DCAF6: variants seen among roughly 807,000 people sequenced by gnomAD.
DCAF6 encodes the protein DDB1- and CUL4-associated factor 6.
A neutral mutation model predicts 125.1 loss-of-function variants in DCAF6; 54 were observed. The ratio of observed to expected loss-of-function variants is 0.43; its 90% CI spans 0.35 to 0.54. The LOEUF is 0.54. Ranked by LOEUF, DCAF6 falls within the 20% of genes least tolerant of loss-of-function variation. DCAF6 has a pLI of 0.01. For synonymous variants in DCAF6, 371 were observed against 390.4 expected (o/e 0.95, Z 0.58); for missense variants, 934 against 1,161.7 (o/e 0.80, Z 2.85).
chr1:167,921,359 T>C, the DCAF6 span, among the ~76,000 whole-genome samples: 1 of 151,998 alleles, frequency 6.6e-6, no homozygotes, highest in African/African-American at 2.4e-5. Context: ...GTAGCTGGAA[T>C]TACAGGCGTG....
the DCAF6 span, chr1:167,919,990 A>G: frequency 6.2e-7 from 1 of 1,611,440 alleles, no homozygotes; most frequent in Non-Finnish European, 8.5e-7. Context: ...TCCAAATACG[A>G]AAAAGCTGAG....
At chr1:167,950,497 A>AT (rs964578156) in intron 1 of DCAF6, among the ~76,000 whole-genome samples, 1 of 151,632 alleles carries the variant, frequency 6.6e-6, no homozygotes, top group Non-Finnish European at 1.5e-5. Context: ...ATTATCCATA[A>AT]TTTTTTTTTA....
At chr1:168,029,808 G>A (rs948128673) in intron 12 of DCAF6, among the ~76,000 whole-genome samples, 6 of 151,886 alleles carry the variant, frequency 4.0e-5, no homozygotes, top group Non-Finnish European at 8.8e-5. Flanking sequence ...GTGAAACCCC[G>A]TCTCTATGAA....
At chr1:167,928,206 CGCG>C in the DCAF6 span, among the ~76,000 whole-genome samples, 1 of 151,532 alleles carries the variant, frequency 6.6e-6, no homozygotes, top group Non-Finnish European at 1.5e-5. Context: ...AAATTAGCTG[CGCG>C]TGGTGGCAGG....
chr1:167,920,483 TATAAA>T, the DCAF6 span: 12 of 1,524,676 alleles, frequency 7.9e-6, no homozygotes, highest in East Asian at 2.4e-5. Context: ...AATAAACTGA[TATAAA>T]AGAAAACAAA....
the DCAF6 span, chr1:167,893,866 C>T: frequency 6.2e-7 from 1 of 1,612,916 alleles, no homozygotes; most frequent in Non-Finnish European, 8.5e-7. Flanking sequence ...CTTCAAAATG[C>T]TTTCCATCAC....
At chr1:168,042,795 G>A (rs2101781330) in intron 13 of DCAF6, 1 of 392,378 alleles carries the variant, frequency 2.5e-6, no homozygotes, top group East Asian at 4.0e-5. Flanking sequence ...GATCCAAACA[G>A]TGAAGAAGCA....
chr1:167,928,312 C>T, the DCAF6 span, among the ~76,000 whole-genome samples: 1 of 144,806 alleles, frequency 6.9e-6, no homozygotes, highest in Non-Finnish European at 1.5e-5. Context: ...CGCACCACTG[C>T]ACTCCAGAAA....
the DCAF6 span, among the ~76,000 whole-genome samples, chr1:167,888,239 A>G: frequency 6.6e-6 from 1 of 152,158 alleles, no homozygotes; most frequent in African/African-American, 2.4e-5. Flanking sequence ...TTTTTGCTTC[A>G]GATAGCTTTG....
At chr1:167,928,377 C>T in the DCAF6 span, among the ~76,000 whole-genome samples, 28 of 151,674 alleles carry the variant, frequency 1.8e-4, no homozygotes, top group African/African-American at 5.1e-4. Flanking sequence ...AAACTTAACC[C>T]TTTCATTGTA....
the DCAF6 span, among the ~76,000 whole-genome samples, chr1:167,871,105 C>T: frequency 6.6e-6 from 1 of 151,772 alleles, no homozygotes; most frequent in African/African-American, 2.4e-5. Flanking sequence ...TTATTCAACA[C>T]ACTAGAAGTA....
the DCAF6 span, among the ~76,000 whole-genome samples, chr1:167,913,219 A>G: frequency 1.3e-5 from 2 of 152,332 alleles, no homozygotes; most frequent in East Asian, 1.9e-4. Context: ...GGCCCGAAAG[A>G]TAAACCAAGA....
In DCAF6 at chr1:168,050,941, A is replaced by T. The variant is rs1689837843; in HGVS notation, c.2300+8A>T. The stretch of plus-strand genomic sequence containing the variant: ...AGGTGATAGAATAATGAGGTAATTC[A>T]GTATGTTCCTTCATAATTTTTTTTT... On this transcript the variant is annotated splice_region_variant and intron_variant, in intron 17 of 21. Transcript: ENST00000367840. 1 of 1,365,192 alleles carries T rather than the reference A, an allele frequency of 7.3e-7. No homozygotes were observed. The highest frequency in any genetic ancestry group is 2.6e-5 in the East Asian group (1 of 38,828). The allele number at this position is 1,365,192 out of a possible 1,614,324, so 84.6% of individuals were successfully genotyped here.
the DCAF6 span, among the ~76,000 whole-genome samples, chr1:167,913,680 G>T: frequency 6.6e-6 from 1 of 150,870 alleles, no homozygotes; most frequent in Non-Finnish European, 1.5e-5. Context: ...GTAGGCACTT[G>T]GTAGTTGTTG....
At chr1:168,020,442 A>AT (rs1200360100) in intron 11 of DCAF6, among the ~76,000 whole-genome samples, 1 of 152,136 alleles carries the variant, frequency 6.6e-6, no homozygotes, top group Non-Finnish European at 1.5e-5. Context: ...CAAACAACAC[A>AT]TTTTTTGGAA....
At position 167,988,159 on chromosome 1, in the gene DCAF6, T is replaced by TA. The variant is rs1268506374; in HGVS notation, c.552+553dup. ...TTCTTATGCTTTAATACAATTAAAT[T>TA]AATTAATTAATTTTTTTTGAGACAA... On this transcript the variant is annotated intron_variant, in intron 5 of 21. Transcript: ENST00000367840. 7.1e-5 allele frequency among the ~76,000 whole-genome samples: 10 copies of TA among 141,292 alleles called. No individual in the cohort carries two copies. In the South Asian group the frequency reaches 1.9e-3, roughly 27 times the overall value. The allele number at this position is 141,292 out of a possible 152,430, so 92.7% of individuals were successfully genotyped here. A position where few individuals can be genotyped will look rare whatever the true frequency, so the allele number is the denominator to read the frequency against.
At chr1:168,061,166 A>T (rs950621573) in intron 17 of DCAF6, among the ~76,000 whole-genome samples, 11 of 152,224 alleles carry the variant, frequency 7.2e-5, no homozygotes, top group Non-Finnish European at 1.3e-4. Flanking sequence ...CCTCCCAGTC[A>T]GAAATAGAGT....
chr1:168,030,045 T>A (rs533756403), intron 12 of DCAF6, among the ~76,000 whole-genome samples: 2 of 151,844 alleles, frequency 1.3e-5, no homozygotes, highest in East Asian at 3.9e-4. Flanking sequence ...TAGAAACGTG[T>A]CTCAAACCCA....
chr1:167,867,698 C>A, the DCAF6 span, among the ~76,000 whole-genome samples: 2 of 151,818 alleles, frequency 1.3e-5, no homozygotes, highest in Admixed American at 1.3e-4. Flanking sequence ...GAGGGATCCC[C>A]AAGCATGTAA....
Sources: gnomAD v4.1 joint callset for allele counts (sites outside exome capture counted in the v4.1 genomes callset) on GRCh38, gnomAD v4.1.1 for gene constraint, MANE v1.5 for transcripts, NCBI Gene and HGNC (gene_info 2026-07-23, HGNC 2026-07-21) for gene names.